The following KIF6 variants were observed in gnomAD, a reference collection of about 807,000 sequenced individuals.
KIF6 encodes the protein kinesin family member 6, also known as kinesin-like protein KIF6.
Under a neutral mutation model 112.7 loss-of-function variants are expected in KIF6, and 106 were observed. The observed-to-expected ratio is 0.94, with a 90% CI of 0.80 to 1.11. The LOEUF (loss-of-function observed/expected upper bound fraction) is 1.11, where lower values mean the gene tolerates loss of function less well. Among genes scored for constraint, KIF6 ranks in the 50% least tolerant of loss-of-function variants. The pLI is 0.00. For synonymous variants in KIF6, 339 were observed against 339.9 expected (o/e 1.00, Z 0.03); for missense variants, 929 against 964.0 (o/e 0.96, Z 0.48).
At chr6:39,481,166 A>C (rs1298545516) in intron 13 of KIF6, among the ~76,000 whole-genome samples, 1 of 152,192 alleles carries the variant, frequency 6.6e-6, no homozygotes, top group Non-Finnish European at 1.5e-5. Context: ...AGATAAGAGC[A>C]TACATTAATA....
rs72262714 is a variant in KIF6, at chr6:39,331,950, CT to C, written c.*4581del. Reference sequence around the variant, plus strand: ...CTGGGGCTGTTTCTATTTGTTTTTTCTTTTTTTTTTTTTTGAGACAGAGTTT... The same window carrying C: ...CTGGGGCTGTTTCTATTTGTTTTTTCTTTTTTTTTTTTTGAGACAGAGTTT... On this transcript the variant is annotated 3_prime_UTR_variant, in exon 23 of 23. Coordinates refer to ENST00000287152, the MANE Select transcript of KIF6 (RefSeq NM_145027.6). The C allele has an allele frequency of 0.48, 69,565 of 144,098 alleles. 17,531 individuals carry two copies. The highest frequency in any genetic ancestry group is 0.68 in the African/African-American group (26,693 of 38,982). The allele number at this position is 144,098 out of a possible 1,614,324, so 8.9% of individuals were successfully genotyped here.
At chr6:39,569,357 G>A (rs1780519753) in intron 10 of KIF6, among the ~76,000 whole-genome samples, 1 of 152,126 alleles carries the variant, frequency 6.6e-6, no homozygotes, top group South Asian at 2.1e-4. Flanking sequence ...AAAATAGTCT[G>A]AGGATCACGT....
intron 3 of KIF6, among the ~76,000 whole-genome samples, chr6:39,671,768 T>C (rs2150832293): frequency 6.6e-6 from 1 of 152,370 alleles, no homozygotes; most frequent in East Asian, 1.9e-4. Flanking sequence ...TTCAACATTG[T>C]TTTGTTATAA....
rs1775307620 is a variant in KIF6, at chr6:39,489,089, GC to G, written c.1645+50913del. On this transcript the variant is annotated intron_variant, in intron 13 of 22. Transcript: ENST00000287152. ...GAAATCTAAGGCTTTTTAAAATACA[GC>G]TACCCTCTATATCTTCATGTCAATT... is the stretch of plus-strand genomic sequence containing the variant. 3.3e-5 allele frequency among the ~76,000 whole-genome samples: 5 copies of G among 152,288 alleles called. No individual in the cohort carries two copies. In the South Asian group the frequency reaches 1.0e-3, roughly 32 times the overall value.
At chr6:39,447,766 C>G (rs1034667866) in intron 13 of KIF6, among the ~76,000 whole-genome samples, 2 of 152,212 alleles carry the variant, frequency 1.3e-5, no homozygotes, top group African/African-American at 4.8e-5. Context: ...TCTACATTCA[C>G]CTCTCAATTC....
chr6:39,585,945 C>T (rs143290426), intron 8 of KIF6, among the ~76,000 whole-genome samples: 13 of 152,280 alleles, frequency 8.5e-5, no homozygotes, highest in African/African-American at 2.6e-4. Flanking sequence ...GCAAGAGAAG[C>T]GGATGGGTCA....
intron 13 of KIF6, among the ~76,000 whole-genome samples, chr6:39,442,991 G>A (rs1370277090): frequency 2.6e-5 from 4 of 151,792 alleles, no homozygotes; most frequent in Non-Finnish European, 5.9e-5. Flanking sequence ...GCGGGCACCT[G>A]TAGTCCCAGC....
At chr6:39,560,900 T>C (rs1247134094) in intron 10 of KIF6, among the ~76,000 whole-genome samples, 4 of 152,204 alleles carry the variant, frequency 2.6e-5, no homozygotes, top group African/African-American at 9.6e-5. Context: ...CTCTCTAAAA[T>C]TTTGTGCTTT....
intron 16 of KIF6, among the ~76,000 whole-genome samples, chr6:39,377,859 T>C (rs1682347275): frequency 6.6e-6 from 1 of 152,040 alleles, no homozygotes; most frequent in Non-Finnish European, 1.5e-5. Flanking sequence ...CACAGTCGAA[T>C]GGCTTGTTCT....
At chr6:39,470,311 C>G (rs1055069192) in intron 13 of KIF6, among the ~76,000 whole-genome samples, 4 of 152,158 alleles carry the variant, frequency 2.6e-5, no homozygotes, top group Non-Finnish European at 5.9e-5. Flanking sequence ...GCAGCTCAGT[C>G]TGACGGGTAG....
At position 39,586,376 on chromosome 6, in the gene KIF6, CG is replaced by C; in HGVS notation, c.874del (p.Arg292ValfsTer10). ...QVIIALSEKHRSHIPYRNSMM... is the reference protein window; with the variant it reads ...QVIIALSEKHXSHIPYRNSMM... The stretch of plus-strand genomic sequence containing the variant: ...GGAGTTTCTATAAGGAATGTGCGAA[CG>C]GTGCTTTTCTGAAAGGGCAATGATA... On this transcript the variant is annotated frameshift_variant, in exon 8 of 23. Coordinates refer to ENST00000287152, the MANE Select transcript of KIF6 (RefSeq NM_145027.6). LOFTEE classifies it high-confidence loss of function. 6.2e-7 allele frequency: 1 copy of C among 1,613,952 alleles called. No individual in the cohort carries two copies. The highest frequency in any genetic ancestry group is 8.5e-7 in the Non-Finnish European group (1 of 1,179,910).
At chr6:39,469,647 C>T (rs959567852) in intron 13 of KIF6, among the ~76,000 whole-genome samples, 7 of 152,102 alleles carry the variant, frequency 4.6e-5, no homozygotes, top group African/African-American at 1.4e-4. Flanking sequence ...GGGGGTTCTT[C>T]GTACAAATTA....
rs1254060537 is a variant in KIF6, at chr6:39,357,393, G to A, written c.2083-19C>T. On this transcript the variant is annotated intron_variant, in intron 18 of 22. Transcript: ENST00000287152. ...AATTTACCTGTTGGCCCCAGAAGGAGTTTCACAGTGTTAGCTTGAATCTAA... is the reference window on the plus strand; with the variant it reads ...AATTTACCTGTTGGCCCCAGAAGGAATTTCACAGTGTTAGCTTGAATCTAA... The A allele has an allele frequency of 6.9e-7, 1 of 1,454,152 alleles. No homozygotes were observed. The highest frequency in any genetic ancestry group is 1.1e-5 in the South Asian group (1 of 87,472). 90.1% of individuals were successfully genotyped at this position (1,454,152 alleles called of 1,614,324 possible).
intron 12 of KIF6, among the ~76,000 whole-genome samples, chr6:39,541,598 C>T (rs993526138): frequency 4.6e-5 from 7 of 152,216 alleles, no homozygotes; most frequent in African/African-American, 1.7e-4. Flanking sequence ...AATGACAAGG[C>T]AGAGTAGTTT....
At chr6:39,529,308 G>C (rs948930928) in intron 13 of KIF6, among the ~76,000 whole-genome samples, 2 of 152,054 alleles carry the variant, frequency 1.3e-5, no homozygotes, top group African/African-American at 4.8e-5. Context: ...TAGACAAATG[G>C]GGTTACATAA....
intron 19 of KIF6, among the ~76,000 whole-genome samples, chr6:39,349,115 A>C (rs1176393443): frequency 6.6e-6 from 1 of 152,234 alleles, no homozygotes; most frequent in African/African-American, 2.4e-5. Context: ...TAATGACGTG[A>C]CACACACCTT....
At chr6:39,593,356 C>T (rs889532352) in intron 7 of KIF6, among the ~76,000 whole-genome samples, 3 of 152,052 alleles carry the variant, frequency 2.0e-5, no homozygotes, top group Non-Finnish European at 4.4e-5. Flanking sequence ...ATTCTTATTC[C>T]TATGTACCGT....
At chr6:39,466,245 C>T (rs1448877029) in intron 13 of KIF6, among the ~76,000 whole-genome samples, 1 of 152,130 alleles carries the variant, frequency 6.6e-6, no homozygotes, top group Admixed American at 6.5e-5. Flanking sequence ...TTCCTCCTTC[C>T]TTCTCTCCTT....
chr6:39,673,182 AG>A (rs890557838), intron 3 of KIF6, among the ~76,000 whole-genome samples: 1 of 152,210 alleles, frequency 6.6e-6, no homozygotes, highest in African/African-American at 2.4e-5. Context: ...TCAACAAACC[AG>A]GCATCTGATT....
Sources: allele counts gnomAD v4.1 joint callset (sites outside exome capture counted in the v4.1 genomes callset), GRCh38; gene constraint gnomAD v4.1.1; transcripts MANE v1.5; gene names NCBI Gene and HGNC (gene_info 2026-07-23, HGNC 2026-07-21).